The following CEP89 variants were observed in gnomAD, a reference collection of about 807,000 sequenced individuals.
The protein encoded by CEP89 is centrosomal protein 89, also known as centrosomal protein of 89 kDa.
CEP89 carries 95 observed loss-of-function variants against 97.6 expected under a neutral mutation model. The ratio of observed to expected loss-of-function variants is 0.97; its 90% CI spans 0.82 to 1.15. CEP89 has a LOEUF of 1.15. Among genes scored for constraint, CEP89 ranks in the 50% most tolerant of loss-of-function variants. The pLI is 0.00. For synonymous variants in CEP89, 354 were observed against 349.1 expected, an observed-to-expected ratio of 1.01 and a Z score of -0.16; for missense variants, 869 against 947.7, an observed-to-expected ratio of 0.92 and a Z score of 1.09.
intron 16 of CEP89, among the ~76,000 whole-genome samples, chr19:32,894,039 A>C (rs1208069477): frequency 6.6e-6 from 1 of 152,242 alleles, no homozygotes; most frequent in Non-Finnish European, 1.5e-5. Flanking sequence ...AACAAAGATC[A>C]GAGCAGAACT....
chr19:32,939,913 AC>A (rs1303187285), intron 5 of CEP89, 28 bp from the exon 6 acceptor site: 1 of 1,074,450 alleles, frequency 9.3e-7, no homozygotes, highest in South Asian at 1.3e-5. Context: ...AGAGAGATAA[AC>A]TTTTAAAGTA....
At chr19:32,966,287 G>T in intron 2 of CEP89, 73 bp downstream of exon 2, 2 of 735,518 alleles carry the variant, frequency 2.7e-6, no homozygotes, top group South Asian at 5.8e-5. Context: ...TGGGCAGTTT[G>T]AGCAGTTCCA....
In CEP89 at chr19:32,966,439, C is replaced by A; in HGVS notation, c.67G>T (p.Ala23Ser). ...GCTGCCTTCGGAGCAACGCTGGCTG[C>A]AGGTAAAAGGCCATGGATGATGTGT... is the stretch of plus-strand genomic sequence containing the variant. ...FKHIIHGLLP[A>S]ASVAPKAAVP... Residue 23 changes from alanine to serine, a missense_variant, in exon 2 of 19, where the codon GCA becomes TCA. Physicochemically the swap from Ala to Ser is moderately conservative, Grantham distance 99. Coordinates refer to ENST00000305768, the MANE Select transcript of CEP89 (RefSeq NM_032816.5). 6.4e-7 allele frequency: 1 copy of A among 1,562,524 alleles called. No individual in the cohort carries two copies.
intron 8 of CEP89, among the ~76,000 whole-genome samples, chr19:32,931,930 C>A (rs1269399333): frequency 2.6e-5 from 4 of 152,122 alleles, no homozygotes; most frequent in Non-Finnish European, 5.9e-5. Flanking sequence ...GCCTGTAATC[C>A]CAGCACTTTG....
chr19:32,927,401 CATAT>C (rs148686101), intron 9 of CEP89, among the ~76,000 whole-genome samples: 1 of 149,946 alleles, frequency 6.7e-6, no homozygotes, highest in East Asian at 1.9e-4. Flanking sequence ...ATACTATTTT[CATAT>C]ATATATATAT....
rs921265234 is a variant in CEP89, at chr19:32,894,817, G to C, written c.1875+5040C>G. On this transcript the variant is annotated intron_variant, in intron 16 of 18. Coordinates refer to ENST00000305768, the MANE Select transcript of CEP89 (RefSeq NM_032816.5). ...TACTCTGTCTCTCAGAGTGACTTCTGCTATGCAATAGACTTCTTCACCTGC... is the reference window on the plus strand; with the variant it reads ...TACTCTGTCTCTCAGAGTGACTTCTCCTATGCAATAGACTTCTTCACCTGC... 4.6e-5 allele frequency among the ~76,000 whole-genome samples: 7 copies of C among 152,276 alleles called. No homozygotes were observed. The South Asian group carries it at 1.5e-3, about 32-fold the overall frequency.
At chr19:32,927,903 C>CTT (rs60706354) in intron 9 of CEP89, among the ~76,000 whole-genome samples, 2 of 116,346 alleles carry the variant, frequency 1.7e-5, no homozygotes, top group Non-Finnish European at 3.4e-5. Context: ...GCACACTTGG[C>CTT]TTTTTTTTTT....
intron 8 of CEP89, 85 bp from the exon 9 acceptor site, chr19:32,931,656 C>T: frequency 8.8e-6 from 10 of 1,141,406 alleles, no homozygotes; most frequent in South Asian, 1.5e-5. Flanking sequence ...GTTTGCTTTT[C>T]TCCCCTCTTT....
At chr19:32,911,058 G>A (rs1445550833) in intron 14 of CEP89, among the ~76,000 whole-genome samples, 2 of 152,220 alleles carry the variant, frequency 1.3e-5, no homozygotes, top group African/African-American at 4.8e-5. Context: ...TGGCAGTGCC[G>A]TAGGTTTGTT....
In CEP89 at chr19:32,915,365, G is replaced by A. The variant is rs768380396; in HGVS notation, c.1537C>T (p.His513Tyr). 5.0e-6 allele frequency: 8 copies of A among 1,603,050 alleles called. No individual in the cohort carries two copies. The African/African-American group carries it at 8.1e-5, about 16-fold the overall frequency. Reference sequence around the variant, plus strand: ...TTTAATTCATTCACAATTGATTTATGAACTTCCACTGCGATTTTGCCATCC... The same window carrying A: ...TTTAATTCATTCACAATTGATTTATAAACTTCCACTGCGATTTTGCCATCC... ...HSDGKIAVEVHKSIVNELKSQ... is the reference protein window; with the variant it reads ...HSDGKIAVEVYKSIVNELKSQ... The change falls in exon 14 of 19, where the codon CAT becomes TAT. Residue 513 changes from histidine (H) to tyrosine (Y), a missense_variant. His to Tyr is a moderately conservative substitution (Grantham distance 83). Transcript: ENST00000305768.
intron 2 of CEP89, among the ~76,000 whole-genome samples, chr19:32,960,755 A>G (rs868097983): frequency 7.0e-6 from 1 of 143,490 alleles, no homozygotes; most frequent in South Asian, 2.1e-4. Context: ...GGTTACTATG[A>G]GCCTACATTG....
chr19:32,913,040 CA>C (rs1261386931), intron 14 of CEP89, among the ~76,000 whole-genome samples: 2 of 139,318 alleles, frequency 1.4e-5, no homozygotes, highest in Non-Finnish European at 1.5e-5. Context: ...GACTCCGTCT[CA>C]AAAAAAATTA....
intron 15 of CEP89, 66 bp downstream of exon 15, chr19:32,901,179 C>T (rs571238520): frequency 8.9e-5 from 134 of 1,510,918 alleles, no homozygotes; most frequent in Non-Finnish European, 1.1e-4. Flanking sequence ...AGCCACTGTA[C>T]CCAGACCATT....
At chr19:32,952,317 T>C (rs1408273207) in intron 4 of CEP89, among the ~76,000 whole-genome samples, 3 of 95,094 alleles carry the variant, frequency 3.2e-5, no homozygotes, top group East Asian at 2.8e-4. Flanking sequence ...CCTGGCCCTA[T>C]AGAAAAAAAA....
rs181005398 is a variant in CEP89, at chr19:32,946,729, G to A, written c.595+1537C>T. On this transcript the variant is annotated intron_variant, in intron 5 of 18. Coordinates refer to ENST00000305768, the MANE Select transcript of CEP89 (RefSeq NM_032816.5). ...ATGAAATCTGATGGTTTTATAAGGG[G>A]AAACCCCTTTCTCTTGGTTCTCATT... 1.2e-3 allele frequency among the ~76,000 whole-genome samples: 177 copies of A among 152,168 alleles called. 1 individual carries two copies. The highest frequency in any genetic ancestry group is 0.011 in the East Asian group (56 of 5,160).
At chr19:32,930,623 G>A (rs1164396185) in intron 9 of CEP89, among the ~76,000 whole-genome samples, 2 of 150,128 alleles carry the variant, frequency 1.3e-5, no homozygotes, top group Admixed American at 6.6e-5. Context: ...TCCCTCTCCT[G>A]TGTCCACAGT....
intron 16 of CEP89, among the ~76,000 whole-genome samples, chr19:32,896,033 C>G (rs959920868): frequency 1.3e-5 from 2 of 152,112 alleles, no homozygotes; most frequent in Non-Finnish European, 2.9e-5. Flanking sequence ...TTAAAATGAC[C>G]AGACTCCCCA....
chr19:32,878,972 A>AAAT lies in CEP89; in HGVS notation c.*189_*190insATT. The AAAT allele has an allele frequency of 4.3e-6, 2 of 465,820 alleles. No homozygotes were observed. The highest frequency in any genetic ancestry group is 5.3e-5 in the South Asian group (1 of 18,938). The allele number at this position is 465,820 out of a possible 1,614,324, so 28.9% of individuals were successfully genotyped here. On this transcript the variant is annotated 3_prime_UTR_variant, in exon 19 of 19. Transcript: ENST00000305768. Reference sequence around the variant, plus strand: ...GTGAGACCCTAGCTCTAAAAAAAAAAAAAAATTAAAAAATAAAGCAAAATG... The same window carrying AAAT: ...GTGAGACCCTAGCTCTAAAAAAAAAAAATAAAAATTAAAAAATAAAGCAAAATG...
intron 9 of CEP89, 129 bp from the exon 10 acceptor site, chr19:32,927,113 C>T (rs1599747660): frequency 2.7e-6 from 2 of 732,338 alleles, no homozygotes; most frequent in Non-Finnish European, 4.6e-6. Context: ...TCTGCCTACC[C>T]ACCCACCTAC....
Sources: allele counts gnomAD v4.1 joint callset (sites outside exome capture counted in the v4.1 genomes callset), GRCh38; gene constraint gnomAD v4.1.1; transcripts MANE v1.5; gene names NCBI Gene and HGNC (gene_info 2026-07-23, HGNC 2026-07-21).